FAM171A1: variants seen among roughly 807,000 people sequenced by gnomAD.
FAM171A1 encodes family with sequence similarity 171 member A1, also known as protein FAM171A1.
FAM171A1 carries 23 observed loss-of-function variants against 74.9 expected under a neutral mutation model. The ratio of observed to expected loss-of-function variants is 0.31; its 90% CI spans 0.22 to 0.44. The LOEUF (loss-of-function observed/expected upper bound fraction) is 0.44, where lower values mean the gene tolerates loss of function less well. Ranked by LOEUF, FAM171A1 falls within the 20% of genes least tolerant of loss-of-function variation. The pLI, the probability that FAM171A1 is intolerant of heterozygous loss-of-function variation, is 1.00. For missense variants in FAM171A1, 1,162 were observed against 1,159.2 expected, an observed-to-expected ratio of 1.00 and a Z score of -0.03; for synonymous variants, 527 against 505.7, an observed-to-expected ratio of 1.04 and a Z score of -0.57.
intron 3 of FAM171A1, among the ~76,000 whole-genome samples, chr10:15,267,824 C>A (rs140140914): frequency 1.3e-5 from 2 of 152,092 alleles, no homozygotes; most frequent in Non-Finnish European, 2.9e-5. Flanking sequence ...TGGACAGCCA[C>A]GACGGACGAA....
At chr10:15,305,710 A>T (rs2131832174) in intron 1 of FAM171A1, among the ~76,000 whole-genome samples, 1 of 150,918 alleles carries the variant, frequency 6.6e-6, no homozygotes, top group South Asian at 2.1e-4. Flanking sequence ...TGAATGAAAA[A>T]TTTCAGACTT....
chr10:15,364,865 TCTC>T (rs1296904404), intron 1 of FAM171A1, among the ~76,000 whole-genome samples: 1 of 152,162 alleles, frequency 6.6e-6, no homozygotes, highest in Non-Finnish European at 1.5e-5. Flanking sequence ...TATTAGCACA[TCTC>T]CTCTGACTTT....
At chr10:15,364,610 G>C (rs1332449262) in intron 1 of FAM171A1, among the ~76,000 whole-genome samples, 1 of 152,120 alleles carries the variant, frequency 6.6e-6, no homozygotes. Context: ...TCAGTGGTTG[G>C]AAACAACACA....
At chr10:15,288,724 G>A (rs1436283517) in intron 1 of FAM171A1, among the ~76,000 whole-genome samples, 2 of 146,844 alleles carry the variant, frequency 1.4e-5, no homozygotes, top group African/African-American at 5.0e-5. Flanking sequence ...GATAGTTTAA[G>A]TTCTACAATT....
At chr10:15,312,673 G>GTTTGTTTTTTTTT (rs1564274246) in intron 1 of FAM171A1, among the ~76,000 whole-genome samples, 3 of 36,382 alleles carry the variant, frequency 8.2e-5, no homozygotes, top group Non-Finnish European at 1.4e-4. Flanking sequence ...AGCACTGTGT[G>GTTTGTTTTTTTTT]TTTTTTTTTT....
intron 3 of FAM171A1, among the ~76,000 whole-genome samples, chr10:15,271,216 G>A (rs1299509734): frequency 6.6e-6 from 1 of 152,150 alleles, no homozygotes; most frequent in Non-Finnish European, 1.5e-5. Flanking sequence ...GAAAACCATG[G>A]CACAAGAACT....
At chr10:15,357,627 TTAAG>T (rs1285804319) in intron 1 of FAM171A1, among the ~76,000 whole-genome samples, 2 of 152,140 alleles carry the variant, frequency 1.3e-5, no homozygotes. Flanking sequence ...AAAATAAGCA[TTAAG>T]TAAATATGGA....
At chr10:15,304,825 C>A (rs760474388) in intron 1 of FAM171A1, among the ~76,000 whole-genome samples, 1 of 152,252 alleles carries the variant, frequency 6.6e-6, no homozygotes, top group Non-Finnish European at 1.5e-5. Flanking sequence ...CAACCTCTGC[C>A]TTCCAGGTTC....
At chr10:15,254,669 T>C in intron 4 of FAM171A1, 52 bp downstream of exon 4, 1 of 1,582,244 alleles carries the variant, frequency 6.3e-7, no homozygotes, top group African/African-American at 1.4e-5. Flanking sequence ...AATCCACATG[T>C]AAAGACTAAA....
chr10:15,343,857 T>C (rs992781038), intron 1 of FAM171A1, among the ~76,000 whole-genome samples: 1 of 152,188 alleles, frequency 6.6e-6, no homozygotes, highest in Non-Finnish European at 1.5e-5. Context: ...GTCCCAGGCT[T>C]GGGCCCCAAA....
In FAM171A1 at chr10:15,363,018, T is replaced by C. The variant is rs7908270; in HGVS notation, c.97+7938A>G. Among the ~76,000 whole-genome samples, 1,015 of 152,318 alleles carry C rather than the reference T, an allele frequency of 6.7e-3. 11 individuals are homozygous for C. Among genetic ancestry groups the C allele is most frequent in the African/African-American group, 0.023 (966 of 41,586 alleles). ...ATAAGTATTTAGCACACTGTCTTCA[T>C]ACAGCAGATGCTAAGATTTAGGAAC... On this transcript the variant is annotated intron_variant, in intron 1 of 7. Transcript: ENST00000378116.
In FAM171A1 at chr10:15,248,680, T is replaced by C; in HGVS notation, c.713A>G (p.His238Arg). The C allele has an allele frequency of 6.2e-7, 1 of 1,611,604 alleles. No homozygotes were observed. The highest frequency in any genetic ancestry group is 8.5e-7 in the Non-Finnish European group (1 of 1,178,840). Residue 238 changes from histidine (H) to arginine (R), a missense_variant, in exon 5 of 8, where the codon CAC (histidine) becomes CGC (arginine). Coordinates refer to ENST00000378116, the MANE Select transcript of FAM171A1 (RefSeq NM_001010924.2). The stretch of plus-strand genomic sequence containing the variant: ...CCGCCACGCCGCGACATAGGCATTG[T>C]GCCTCAGGCTGCTCTGCGTGGCCAG... ...VPLATQSSLRHNAYVAAWRFD... is the reference protein window; with the variant it reads ...VPLATQSSLRRNAYVAAWRFD...
chr10:15,374,069 C>T (rs182597726), upstream of FAM171A1, among the ~76,000 whole-genome samples: 3 of 152,286 alleles, frequency 2.0e-5, no homozygotes, highest in Non-Finnish European at 4.4e-5. Context: ...TGACTGTATT[C>T]TCTCCCTTGG....
chr10:15,322,319 C>T (rs1382093115), intron 1 of FAM171A1, among the ~76,000 whole-genome samples: 1 of 152,152 alleles, frequency 6.6e-6, no homozygotes, highest in Non-Finnish European at 1.5e-5. Context: ...TTCCAGAATG[C>T]TTTCCAACAC....
At chr10:15,242,706 G>A (rs1834377888) in intron 5 of FAM171A1, among the ~76,000 whole-genome samples, 1 of 152,156 alleles carries the variant, frequency 6.6e-6, no homozygotes, top group Non-Finnish European at 1.5e-5. Context: ...TGGGAGGATT[G>A]CTTGAGCTTG....
Position 15,213,963 on chromosome 10 carries a change from G to A in FAM171A1, c.1625C>T (p.Ser542Leu), listed in dbSNP as rs777528921. 2.5e-6 allele frequency: 4 copies of A among 1,614,170 alleles called. No individual in the cohort carries two copies. Among genetic ancestry groups the A allele is most frequent in the Non-Finnish European group, 3.4e-6 (4 of 1,180,040 alleles). The change falls in exon 8 of 8, where the codon TCG becomes TTG. Residue 542 changes from serine (S) to leucine (L), a missense_variant. By Grantham distance (145) the Ser-to-Leu change is moderately radical. Transcript: ENST00000378116. The surrounding 1 kb of genome is among the most constrained non-coding windows in gnomAD (Gnocchi z 6.8). ...TCTCTCGAGGTGATCTACTGATCGC[G>A]ACATCATACATTCAGTGGGTCTGCG... ...LDRRPTECMM[S>L]RSVDHLERPT... is the part of the protein sequence containing the mutation.
At chr10:15,332,630 A>C (rs919491313) in intron 1 of FAM171A1, among the ~76,000 whole-genome samples, 1 of 152,192 alleles carries the variant, frequency 6.6e-6, no homozygotes, top group Non-Finnish European at 1.5e-5. Context: ...TCATGAATTT[A>C]TGCATACATG....
chr10:15,302,505 C>CAAAAAAAAAAAAAAAAAAACAAAAAAAA (rs201888011), intron 1 of FAM171A1, among the ~76,000 whole-genome samples: 1 of 116,406 alleles, frequency 8.6e-6, no homozygotes, highest in Non-Finnish European at 1.8e-5. Flanking sequence ...AACCCAAAAC[C>CAAAAAAAAAAAAAAAAAAACAAAAAAAA]AAAAAAAAAA....
At chr10:15,305,728 C>CA (rs1378996945) in intron 1 of FAM171A1, among the ~76,000 whole-genome samples, 4 of 138,874 alleles carry the variant, frequency 2.9e-5, no homozygotes, top group African/African-American at 8.1e-5. Flanking sequence ...CTTTGGACAG[C>CA]AAAAAATCAC....
Sources: allele counts gnomAD v4.1 joint callset (sites outside exome capture counted in the v4.1 genomes callset), GRCh38; gene constraint gnomAD v4.1.1; non-coding constraint Gnocchi (gnomAD v3.1); transcripts MANE v1.5; gene names NCBI Gene and HGNC (gene_info 2026-07-23, HGNC 2026-07-21).